The following NCOR1 variants were observed in gnomAD, a reference collection of about 807,000 sequenced individuals.
NCOR1 encodes protein phosphatase 1, regulatory subunit 109.
NCOR1 carries 63 observed loss-of-function variants against 288.1 expected under a neutral mutation model. That is an observed-to-expected ratio of 0.22 (90% confidence interval 0.18 to 0.27). The LOEUF (loss-of-function observed/expected upper bound fraction) is 0.27, where lower values mean the gene tolerates loss of function less well. NCOR1 is among the 10% of genes least tolerant of loss of function. NCOR1 has a pLI of 1.00. For synonymous variants in NCOR1, 1,007 were observed against 1,065.9 expected, an observed-to-expected ratio of 0.94 and a Z score of 1.08; for missense variants, 2,397 against 3,019.2, an observed-to-expected ratio of 0.79 and a Z score of 4.83.
At chr17:16,104,143 C>T (rs564642180) in intron 19 of NCOR1, among the ~76,000 whole-genome samples, 1 of 152,292 alleles carries the variant, frequency 6.6e-6, no homozygotes. Context: ...TTCCACTAGG[C>T]TATAAACTCC....
intron 40 of NCOR1, among the ~76,000 whole-genome samples, chr17:16,054,735 G>A (rs1175268442): frequency 6.6e-6 from 1 of 152,122 alleles, no homozygotes; most frequent in Non-Finnish European, 1.5e-5. Flanking sequence ...TTCGAGACCA[G>A]CCTGGCCAAC....
chr17:16,181,289 C>T (rs1600091077), intron 3 of NCOR1, among the ~76,000 whole-genome samples: 1 of 135,528 alleles, frequency 7.4e-6, no homozygotes, highest in African/African-American at 2.6e-5. Context: ...AGAAAAAAAT[C>T]CTTTCATACC....
At chr17:16,207,751 AAAAAGAAAAG>A (rs746773891) in intron 1 of NCOR1, among the ~76,000 whole-genome samples, 7 of 150,948 alleles carry the variant, frequency 4.6e-5, no homozygotes, top group Admixed American at 3.3e-4. Flanking sequence ...AAAAAAAAAA[AAAAAGAAAAG>A]AAAAGAAAAG....
chr17:16,065,923 A>C (rs558308152), intron 32 of NCOR1: 67 of 531,326 alleles, frequency 1.3e-4, no homozygotes, highest in Non-Finnish European at 2.0e-4. Flanking sequence ...CAGTAGCTAA[A>C]AACTTCTCAA....
intron 3 of NCOR1, among the ~76,000 whole-genome samples, chr17:16,182,177 G>A (rs1183282386): frequency 6.6e-6 from 1 of 152,128 alleles, no homozygotes; most frequent in South Asian, 2.1e-4. Flanking sequence ...AATTGGAATA[G>A]TATTCACATA....
rs1378242838 is a variant in NCOR1 at position 16,080,501 on chromosome 17, G to T, written c.3307C>A (p.Pro1103Thr). 2 of 1,613,970 alleles carry T rather than the reference G, an allele frequency of 1.2e-6. No individual in the cohort carries two copies. The highest frequency in any genetic ancestry group is 2.7e-5 in the African/African-American group (2 of 74,882). ...QQESAKSATL[P>T]YIKQEEFSPR... is the part of the protein sequence containing the mutation. ...GAAAATTCTTCCTGCTTGATGTAGG[G>T]CAAAGTAGCTGTGGAAAGGCAGAGA... Residue 1103 changes from proline (P) to threonine (T), a missense_variant, in exon 25 of 46, where the codon CCC becomes ACC. Around this residue, in one of 11 missense-constraint regions of NCOR1, gnomAD observed 1,872 missense variants for 2,187.8 expected, o/e 0.86. Transcript: ENST00000268712.
chr17:16,050,536 T>C (rs577182988), intron 40 of NCOR1, among the ~76,000 whole-genome samples: 2 of 152,352 alleles, frequency 1.3e-5, no homozygotes, highest in South Asian at 4.1e-4. Flanking sequence ...CTAAAATTTT[T>C]TGACATAGCG....
chr17:16,079,526 T>C (rs958413567), intron 26 of NCOR1, among the ~76,000 whole-genome samples: 1 of 152,232 alleles, frequency 6.6e-6, no homozygotes, highest in Non-Finnish European at 1.5e-5. Context: ...CTTTTGTTAA[T>C]ACCATCCACA....
In NCOR1 at chr17:16,091,501, T is replaced by C. The variant is rs180952637; in HGVS notation, c.3016+362A>G. The C allele has an allele frequency of 1.2e-4, 113 of 956,066 alleles. No homozygotes were observed. The African/African-American group carries it at 1.8e-3, about 15-fold the overall frequency. The allele number at this position is 956,066 out of a possible 1,614,324, so 59.2% of individuals were successfully genotyped here. ...TCTCATCTACCAGAGAATGTGAATATTACACTGTAATACTTGAAGGTGATT... is the reference window on the plus strand; with the variant it reads ...TCTCATCTACCAGAGAATGTGAATACTACACTGTAATACTTGAAGGTGATT... On this transcript the variant is annotated intron_variant, in intron 22 of 45. Coordinates refer to ENST00000268712, the MANE Select transcript of NCOR1 (RefSeq NM_006311.4).
intron 1 of NCOR1, among the ~76,000 whole-genome samples, chr17:16,202,262 G>A (rs1197162945): frequency 2.0e-5 from 3 of 149,988 alleles, no homozygotes; most frequent in East Asian, 1.9e-4. Flanking sequence ...TTAGCCAGGC[G>A]TGGTGGTGCG....
At chr17:16,075,878 G>T (rs1161455600) in intron 26 of NCOR1, among the ~76,000 whole-genome samples, 176 bp from the exon 27 acceptor site, 1 of 152,206 alleles carries the variant, frequency 6.6e-6, no homozygotes, top group African/African-American at 2.4e-5. Flanking sequence ...AAGACATCCT[G>T]TACCTTCATC....
chr17:16,177,787 G>C (rs1398709614), intron 3 of NCOR1, among the ~76,000 whole-genome samples: 1 of 152,136 alleles, frequency 6.6e-6, no homozygotes, highest in East Asian at 1.9e-4. Context: ...GGCATAATGG[G>C]AATTCTCAAG....
intron 28 of NCOR1, among the ~76,000 whole-genome samples, chr17:16,072,513 G>A (rs1410056604): frequency 6.6e-6 from 1 of 152,096 alleles, no homozygotes; most frequent in African/African-American, 2.4e-5. Flanking sequence ...TTTATCAAGA[G>A]GAAAGAAGAT....
intron 6 of NCOR1, among the ~76,000 whole-genome samples, chr17:16,155,584 T>C (rs956421956): frequency 1.3e-5 from 2 of 152,176 alleles, no homozygotes; most frequent in Admixed American, 1.3e-4. Context: ...TTAACTATGA[T>C]GCAAGTCAAC....
At chr17:16,101,116 A>G (rs952824610) in intron 20 of NCOR1, 134 bp downstream of exon 20, 11 of 820,976 alleles carry the variant, frequency 1.3e-5, no homozygotes, top group African/African-American at 1.2e-4. Flanking sequence ...TATCAGCCCA[A>G]TATTAAAATT....
chr17:16,065,074 A>AT (rs1208428976), intron 33 of NCOR1, 55 bp from the exon 34 acceptor site: 1 of 1,517,478 alleles, frequency 6.6e-7, no homozygotes, highest in Non-Finnish European at 9.0e-7. Flanking sequence ...GTACAGAACC[A>AT]TACATGACTT....
intron 12 of NCOR1, among the ~76,000 whole-genome samples, chr17:16,138,757 A>G (rs1250921342): frequency 6.6e-6 from 1 of 152,136 alleles, no homozygotes; most frequent in Non-Finnish European, 1.5e-5. Flanking sequence ...AGCTCCCCAA[A>G]AGTTCAGCCA....
intron 44 of NCOR1, among the ~76,000 whole-genome samples, chr17:16,036,660 C>T (rs182335252): frequency 3.3e-5 from 5 of 152,342 alleles, no homozygotes; most frequent in Admixed American, 2.6e-4. Context: ...CTTCTTCAAC[C>T]TCTGAATGGC....
intron 22 of NCOR1, chr17:16,087,456 T>G (rs2152874612): frequency 1.7e-6 from 1 of 572,554 alleles, no homozygotes; most frequent in East Asian, 7.1e-5. Flanking sequence ...AACATTAAAG[T>G]CTAAAACTCC....
Sources: gnomAD v4.1 joint callset for allele counts (sites outside exome capture counted in the v4.1 genomes callset) on GRCh38, gnomAD v4.1.1 for gene constraint, gnomAD v4.1.1 regional missense constraint, MANE v1.5 for transcripts, NCBI Gene and HGNC (gene_info 2026-07-23, HGNC 2026-07-21) for gene names.